The following CCBE1 variants were observed in gnomAD, a reference collection of about 807,000 sequenced individuals.
CCBE1 encodes collagen and calcium binding EGF domains 1.
A neutral mutation model predicts 50.0 loss-of-function variants in CCBE1; 37 were observed. That is an observed-to-expected ratio of 0.74 (90% CI 0.57 to 0.97). CCBE1 has a LOEUF of 0.97. Among genes scored for constraint, CCBE1 ranks in the 50% least tolerant of loss-of-function variants. CCBE1 has a pLI of 0.00. For synonymous variants in CCBE1, 234 were observed against 203.7 expected (o/e 1.15, Z -1.27); for missense variants, 538 against 523.8 (o/e 1.03, Z -0.26).
intron 2 of CCBE1, among the ~76,000 whole-genome samples, chr18:59,534,993 C>G (rs1915191936): frequency 6.6e-6 from 1 of 152,188 alleles, no homozygotes; most frequent in Non-Finnish European, 1.5e-5. Flanking sequence ...TTTAGAGAGG[C>G]AAATAAAATG....
At chr18:59,474,923 C>T (rs1912234833) in intron 3 of CCBE1, among the ~76,000 whole-genome samples, 1 of 152,334 alleles carries the variant, frequency 6.6e-6, no homozygotes, top group African/African-American at 2.4e-5. Context: ...CCTCTCTGTT[C>T]TCCAGCTTCC....
At chr18:59,617,984 A>T (rs541716183) in intron 2 of CCBE1, among the ~76,000 whole-genome samples, 1 of 152,354 alleles carries the variant, frequency 6.6e-6, no homozygotes, top group East Asian at 1.9e-4. Context: ...AGATTTGAGG[A>T]CAAAGTAGAT....
intron 2 of CCBE1, among the ~76,000 whole-genome samples, chr18:59,565,523 C>T (rs971453027): frequency 3.3e-5 from 5 of 152,182 alleles, no homozygotes; most frequent in Non-Finnish European, 7.3e-5. Flanking sequence ...CACACCTGGC[C>T]CCACTGAGGC....
chr18:59,551,617 A>G (rs548828509), intron 2 of CCBE1, among the ~76,000 whole-genome samples: 4 of 152,348 alleles, frequency 2.6e-5, no homozygotes, highest in African/African-American at 9.6e-5. Context: ...TGTGTAGCAC[A>G]TGACTAAATA....
At chr18:59,629,678 T>C (rs993425755) in intron 2 of CCBE1, among the ~76,000 whole-genome samples, 3 of 152,234 alleles carry the variant, frequency 2.0e-5, no homozygotes, top group African/African-American at 7.2e-5. Flanking sequence ...AAGTCAGGAA[T>C]AGAAAACAGC....
intron 2 of CCBE1, among the ~76,000 whole-genome samples, chr18:59,646,360 G>A (rs554907421): frequency 3.9e-5 from 6 of 152,316 alleles, no homozygotes; most frequent in Admixed American, 6.5e-5. Flanking sequence ...TTCTACCCAA[G>A]AGGACTGCCT....
chr18:59,439,042 T>G (rs542388654), intron 9 of CCBE1, among the ~76,000 whole-genome samples: 8 of 151,850 alleles, frequency 5.3e-5, no homozygotes, highest in Admixed American at 2.6e-4. Flanking sequence ...ATCCCAGCAC[T>G]TGGGGAGGCC....
intron 2 of CCBE1, among the ~76,000 whole-genome samples, chr18:59,523,682 A>G (rs1318040654): frequency 1.3e-5 from 2 of 152,180 alleles, no homozygotes; most frequent in Non-Finnish European, 2.9e-5. Flanking sequence ...GAAGACAATC[A>G]TGAGTAGGTC....
chr18:59,529,119 G>C (rs1914945897), intron 2 of CCBE1, among the ~76,000 whole-genome samples: 1 of 152,244 alleles, frequency 6.6e-6, no homozygotes, highest in Admixed American at 6.5e-5. Context: ...TCGCCCAGGG[G>C]CATCGTCCCA....
chr18:59,440,147 C>A (rs1179203943), intron 7 of CCBE1, among the ~76,000 whole-genome samples: 1 of 152,212 alleles, frequency 6.6e-6, no homozygotes, highest in African/African-American at 2.4e-5. Flanking sequence ...CATCTCACAG[C>A]TGTCTGCTCC....
chr18:59,439,589 A>G lies in CCBE1; in HGVS notation c.916-11T>C. ...TGCCCCTGGTGGACCCTGTAATACA[A>G]AAGGATCTGGTTTAACCACAGGCAA... On this transcript the variant is annotated splice_polypyrimidine_tract_variant and intron_variant, in intron 8 of 10. Transcript: ENST00000439986. 3 of 1,614,260 alleles carry G rather than the reference A, an allele frequency of 1.9e-6. No homozygotes were observed. Among genetic ancestry groups the G allele is most frequent in the South Asian group, 2.2e-5 (2 of 91,086 alleles).
chr18:59,506,037 C>A (rs2144279478), intron 2 of CCBE1, among the ~76,000 whole-genome samples: 1 of 152,254 alleles, frequency 6.6e-6, no homozygotes, highest in Middle Eastern at 3.4e-3. Context: ...TCACATATAC[C>A]CAGGAACCTC....
At chr18:59,437,345 A>G (rs1203892976) in intron 10 of CCBE1, among the ~76,000 whole-genome samples, 1 of 152,224 alleles carries the variant, frequency 6.6e-6, no homozygotes, top group African/African-American at 2.4e-5. Context: ...AGAGAGGCAC[A>G]GTATTTTCAT....
At chr18:59,465,603 T>C (rs1301821233) in intron 5 of CCBE1, 1 of 152,214 alleles carries the variant, frequency 6.6e-6, no homozygotes, top group African/African-American at 2.4e-5. Flanking sequence ...AAAAATAAGA[T>C]GTAAAATGCA....
chr18:59,671,483 G>A (rs1316057420), intron 2 of CCBE1, among the ~76,000 whole-genome samples: 1 of 145,602 alleles, frequency 6.9e-6, no homozygotes, highest in South Asian at 2.2e-4. Flanking sequence ...GGGCAACAGA[G>A]TGAGACCTTG....
chr18:59,513,329 T>C (rs1598967321), intron 2 of CCBE1, among the ~76,000 whole-genome samples: 1 of 141,118 alleles, frequency 7.1e-6, no homozygotes, highest in African/African-American at 2.7e-5. Context: ...AACAAAAAAA[T>C]TCAAGAAAGG....
chr18:59,692,258 C>T (rs1041489697), intron 2 of CCBE1, among the ~76,000 whole-genome samples: 5 of 152,136 alleles, frequency 3.3e-5, no homozygotes, highest in African/African-American at 1.2e-4. Context: ...ATAGCACTTC[C>T]TATGTGTCGT....
At chr18:59,470,251 G>A (rs1363534923) in intron 3 of CCBE1, among the ~76,000 whole-genome samples, 2 of 152,054 alleles carry the variant, frequency 1.3e-5, no homozygotes, top group Non-Finnish European at 2.9e-5. Context: ...TCAGGCAAGA[G>A]TGTGTGTGCA....
intron 2 of CCBE1, among the ~76,000 whole-genome samples, chr18:59,532,717 C>CT (rs377756524): frequency 3.3e-5 from 5 of 152,208 alleles, no homozygotes; most frequent in African/African-American, 1.2e-4. Flanking sequence ...ATCTCCCTTC[C>CT]ATGCCTGCTA....
Sources: allele counts gnomAD v4.1 joint callset (sites outside exome capture counted in the v4.1 genomes callset), GRCh38; gene constraint gnomAD v4.1.1; transcripts MANE v1.5; gene names NCBI Gene and HGNC (gene_info 2026-07-23, HGNC 2026-07-21).